The following RCC2 variants were observed in gnomAD, a reference collection of about 807,000 sequenced individuals.
RCC2 encodes the protein regulator of chromosome condensation 2, also known as protein RCC2.
A neutral mutation model predicts 64.1 loss-of-function variants in RCC2; 19 were observed. That is an observed-to-expected ratio of 0.30 (90% CI 0.21 to 0.44). RCC2 has a LOEUF of 0.44. Ranked by LOEUF, RCC2 falls within the 20% of genes least tolerant of loss-of-function variation. The pLI is 1.00. For synonymous variants in RCC2, 325 were observed against 279.6 expected (o/e 1.16, Z -1.62); for missense variants, 508 against 710.4 (o/e 0.72, Z 3.24).
At chr1:17,421,365 C>T (rs1409135480) in intron 6 of RCC2, among the ~76,000 whole-genome samples, 1 of 152,078 alleles carries the variant, frequency 6.6e-6, no homozygotes, top group Admixed American at 6.5e-5. Flanking sequence ...CGTGGTGGAG[C>T]ATGCCTGTAG....
At chr1:17,437,636 CG>C (rs974567401) in intron 2 of RCC2, among the ~76,000 whole-genome samples, 3 of 4,424 alleles carry the variant, frequency 6.8e-4, no homozygotes, top group Admixed American at 4.5e-3. Flanking sequence ...ACCGCTCAGC[CG>C]GGGGGCTTCC....
At chr1:17,437,856 C>G (rs2075755630) in intron 2 of RCC2, among the ~76,000 whole-genome samples, 1 of 144,008 alleles carries the variant, frequency 6.9e-6, no homozygotes, top group Non-Finnish European at 1.5e-5. Context: ...TCTTCCAGGC[C>G]GGGCGAACTT....
intron 3 of RCC2, among the ~76,000 whole-genome samples, chr1:17,425,911 GCCTGGCGTCAC>G (rs1025258802): frequency 6.6e-6 from 1 of 152,176 alleles, no homozygotes; most frequent in African/African-American, 2.4e-5. Context: ...GCTGGCACAG[GCCTGGCGTCAC>G]CTGCCACCTT....
chr1:17,408,427 T>C lies in RCC2; in HGVS notation c.*663A>G, dbSNP rs1450455028. 1.3e-5 allele frequency: 2 copies of C among 152,210 alleles called. No individual in the cohort carries two copies. The highest frequency in any genetic ancestry group is 3.9e-4 in the East Asian group (2 of 5,194). 9.4% of individuals were successfully genotyped at this position (152,210 alleles called of 1,614,324 possible). ...CTTTAACAGCTAAAGTAGATATAAA[T>C]GGCTAAACACAGATCCCCAATCCCC... is the stretch of plus-strand genomic sequence containing the variant. On this transcript the variant is annotated 3_prime_UTR_variant, in exon 13 of 13. Transcript: ENST00000375436.
intron 8 of RCC2, among the ~76,000 whole-genome samples, chr1:17,415,789 C>A (rs1436884647): frequency 4.6e-5 from 7 of 151,524 alleles, no homozygotes; most frequent in African/African-American, 1.7e-4. Flanking sequence ...ACAACCTAGG[C>A]CAGGCGTGGT....
chr1:17,422,852 G>A lies in RCC2; in HGVS notation c.524-16C>T. On this transcript the variant is annotated splice_polypyrimidine_tract_variant and intron_variant, in intron 4 of 12. Coordinates refer to ENST00000375436, the MANE Select transcript of RCC2 (RefSeq NM_018715.4). ...TCATTTCGACCTGCAGATCACATGA[G>A]AGAAAGTAGAAAAGAGAGAGGGTGG... 1 of 1,613,754 alleles carries A rather than the reference G, an allele frequency of 6.2e-7. No homozygotes were observed. Among genetic ancestry groups the A allele is most frequent in the Non-Finnish European group, 8.5e-7 (1 of 1,180,038 alleles).
chr1:17,427,832 TG>T (rs1183277656), intron 3 of RCC2, among the ~76,000 whole-genome samples: 2 of 146,166 alleles, frequency 1.4e-5, no homozygotes, highest in Non-Finnish European at 3.0e-5. Context: ...CGGGCAGGGG[TG>T]GGGGAGGGGG....
intron 11 of RCC2, among the ~76,000 whole-genome samples, chr1:17,411,486 G>T (rs1019047579): frequency 6.7e-6 from 1 of 150,352 alleles, no homozygotes; most frequent in Non-Finnish European, 1.5e-5. Flanking sequence ...TGAAGCAGGA[G>T]AACTGAGAAT....
At chr1:17,412,792 T>A (rs576830213) in intron 10 of RCC2, among the ~76,000 whole-genome samples, 1 of 152,236 alleles carries the variant, frequency 6.6e-6, no homozygotes, top group Admixed American at 6.5e-5. Context: ...ACCTGCAGCG[T>A]AGGAATACAT....
chr1:17,410,082 A>G (rs2762890), intron 11 of RCC2, 31 bp from the exon 12 acceptor site: 1,032,482 of 1,601,246 alleles, frequency 0.64, 334,233 homozygotes, highest in African/African-American at 0.71. Context: ...TTCGCAATCG[A>G]GGATCCATGT....
At chr1:17,436,394 C>T (rs904595924) in intron 2 of RCC2, among the ~76,000 whole-genome samples, 6 of 152,150 alleles carry the variant, frequency 3.9e-5, no homozygotes, top group Admixed American at 2.6e-4. Flanking sequence ...ATCCCAGCTG[C>T]TCGAGAGGCT....
chr1:17,410,177 A>G (rs1245778390), intron 11 of RCC2, 126 bp from the exon 12 acceptor site: 3 of 792,568 alleles, frequency 3.8e-6, no homozygotes, highest in Non-Finnish European at 6.3e-6. Flanking sequence ...CTGGCCCATG[A>G]CAAGCCCGGC....
At chr1:17,439,379 C>G (rs867700059) in intron 1 of RCC2, among the ~76,000 whole-genome samples, 166 bp downstream of exon 1, 1 of 147,026 alleles carries the variant, frequency 6.8e-6, no homozygotes, top group Middle Eastern at 3.5e-3. Context: ...CTCTGTCTGT[C>G]TCCGATTAAA....
In RCC2 at chr1:17,438,240, T is replaced by A. The variant is rs781597729; in HGVS notation, c.275A>T (p.Lys92Met). 1 of 1,317,312 alleles carries A rather than the reference T, an allele frequency of 7.6e-7. No homozygotes were observed. The highest frequency in any genetic ancestry group is 9.9e-7 in the Non-Finnish European group (1 of 1,014,536). 81.6% of individuals were successfully genotyped at this position (1,317,312 alleles called of 1,614,324 possible). Residue 92 changes from lysine to methionine, a missense_variant, in exon 2 of 13, where the codon AAG becomes ATG. Physicochemically the swap from Lys to Met is moderately conservative, Grantham distance 95. This residue lies in a region of RCC2 where 195 missense variants were observed against 158.3 expected (regional missense o/e 1.23). Coordinates refer to ENST00000375436, the MANE Select transcript of RCC2 (RefSeq NM_018715.4). ...AVVITEPEHT[K>M]ERVKLEGSKC... ...CTGACCCTCACTCACGACGCGCTCC[T>A]TGGTGTGCTCGGGTTCGGTGATGAC... is the stretch of plus-strand genomic sequence containing the variant.
intron 3 of RCC2, 63 bp from the exon 4 acceptor site, chr1:17,425,747 A>G: frequency 6.6e-7 from 1 of 1,519,264 alleles, no homozygotes. Context: ...CCAAAATGTC[A>G]CTGGCCACCA....
In RCC2 at chr1:17,429,972, G is replaced by A. The variant is rs368327486; in HGVS notation, c.286-773C>T. Among the ~76,000 whole-genome samples, 18 of 152,204 alleles carry A rather than the reference G, an allele frequency of 1.2e-4. 1 individual carries two copies. In the East Asian group the frequency reaches 1.4e-3, roughly 11 times the overall value. On this transcript the variant is annotated intron_variant, in intron 2 of 12. Coordinates refer to ENST00000375436, the MANE Select transcript of RCC2 (RefSeq NM_018715.4). The stretch of plus-strand genomic sequence containing the variant: ...TCTCATACTGTCAACGAAAATCTAC[G>A]CCATTTAAAAAGGCCATTGTTCAAT...
At chr1:17,415,478 C>T (rs1264427372) in intron 8 of RCC2, among the ~76,000 whole-genome samples, 5 of 151,924 alleles carry the variant, frequency 3.3e-5, no homozygotes, top group African/African-American at 1.2e-4. Flanking sequence ...TTTGGGAGGC[C>T]GAGGCAGGTG....
chr1:17,425,570 A>G lies in RCC2; in HGVS notation c.494T>C (p.Ile165Thr). 1.9e-6 allele frequency: 3 copies of G among 1,613,572 alleles called. No individual in the cohort carries two copies. Among genetic ancestry groups the G allele is most frequent in the Non-Finnish European group, 2.5e-6 (3 of 1,179,714 alleles). The change falls in exon 4 of 13, where the codon ATC becomes ACC. Residue 165 changes from isoleucine (I) to threonine (T), a missense_variant. Ile to Thr is a moderately conservative substitution (Grantham distance 89). Coordinates refer to ENST00000375436, the MANE Select transcript of RCC2 (RefSeq NM_018715.4). Reference sequence around the variant, plus strand: ...GCTCCACAGCTTCCCTTCCGTGGTGATGAGGAGGCTGTGTGCAGCACACGA... The same window carrying G: ...GCTCCACAGCTTCCCTTCCGTGGTGGTGAGGAGGCTGTGTGCAGCACACGA... ...SGSCAAHSLL[I>T]TTEGKLWSWG...
chr1:17,417,984 A>G (rs942281888), intron 7 of RCC2, among the ~76,000 whole-genome samples: 1 of 152,204 alleles, frequency 6.6e-6, no homozygotes, highest in African/African-American at 2.4e-5. Flanking sequence ...TAGGTACTGA[A>G]GTAATCTAGA....
Sources: gnomAD v4.1 joint callset for allele counts (sites outside exome capture counted in the v4.1 genomes callset) on GRCh38, gnomAD v4.1.1 for gene constraint, gnomAD v4.1.1 regional missense constraint, MANE v1.5 for transcripts, NCBI Gene and HGNC (gene_info 2026-07-23, HGNC 2026-07-21) for gene names.